The following SULT2B1 variants were observed in gnomAD, a reference collection of about 807,000 sequenced individuals.
SULT2B1 encodes the protein sulfotransferase family 2B member 1.
SULT2B1 carries 16 observed loss-of-function variants against 33.2 expected under a neutral mutation model. The ratio of observed to expected loss-of-function variants is 0.48; its 90% CI spans 0.33 to 0.73. The LOEUF is 0.73. Ranked by LOEUF, SULT2B1 falls within the 30% of genes least tolerant of loss-of-function variation. The probability of loss-of-function intolerance (pLI) is 0.02; values close to 1 mark genes in which losing one functional copy is unlikely to be tolerated. For synonymous variants in SULT2B1, 186 were observed against 200.5 expected, an observed-to-expected ratio of 0.93 and a Z score of 0.61; for missense variants, 500 against 506.0, an observed-to-expected ratio of 0.99 and a Z score of 0.11.
chr19:48,593,443 T>A (rs907046196), intron 5 of SULT2B1, among the ~76,000 whole-genome samples: 4 of 151,342 alleles, frequency 2.6e-5, no homozygotes, highest in Non-Finnish European at 4.4e-5. Flanking sequence ...TCCCAGCTGC[T>A]CAGGAGGCTA....
chr19:48,567,160 T>C (rs893049652), intron 1 of SULT2B1, among the ~76,000 whole-genome samples: 11 of 152,246 alleles, frequency 7.2e-5, no homozygotes, highest in African/African-American at 2.2e-4. Flanking sequence ...TCTTGGAACA[T>C]CATTGCCATG....
chr19:48,596,436 ACTGTGACCTCTGCCCCCGG>A (rs1225283084), intron 5 of SULT2B1: 5 of 129,270 alleles, frequency 3.9e-5, no homozygotes, highest in Non-Finnish European at 7.0e-5. Flanking sequence ...TCTGCCCCCC[ACTGTGACCTCTGCCCCCGG>A]CTGTGACCTC....
chr19:48,554,293 C>T (rs868201261), intron 1 of SULT2B1, among the ~76,000 whole-genome samples: 5 of 148,898 alleles, frequency 3.4e-5, no homozygotes, highest in South Asian at 2.2e-4. Context: ...CCCTCAGATA[C>T]GCCACGTACC....
intron 1 of SULT2B1, among the ~76,000 whole-genome samples, chr19:48,559,849 CA>C (rs140138179): frequency 0.02 from 2,976 of 151,852 alleles, 101 homozygotes; most frequent in African/African-American, 0.068. Flanking sequence ...GGCCAGGTGC[CA>C]CAGCTCACGC....
At chr19:48,591,486 T>A in intron 3 of SULT2B1, 123 bp from the exon 4 acceptor site, 1 of 1,136,224 alleles carries the variant, frequency 8.8e-7, no homozygotes, top group South Asian at 1.8e-5. Context: ...AAAAAAAGAG[T>A]CTGCCCTGAG....
At chr19:48,569,538 T>C (rs1973293492) in intron 1 of SULT2B1, among the ~76,000 whole-genome samples, 1 of 151,644 alleles carries the variant, frequency 6.6e-6, no homozygotes, top group Admixed American at 6.6e-5. Context: ...TTTTCTTATT[T>C]TTTAAAGAGA....
At chr19:48,569,397 T>C (rs1973290814) in intron 1 of SULT2B1, among the ~76,000 whole-genome samples, 2 of 112,298 alleles carry the variant, frequency 1.8e-5, no homozygotes, top group Admixed American at 9.0e-5. Flanking sequence ...TATATATATA[T>C]ATGATAAATT....
chr19:48,564,947 C>T (rs3909296), intron 1 of SULT2B1, among the ~76,000 whole-genome samples: 58,792 of 151,646 alleles, frequency 0.39, 12,366 homozygotes, highest in South Asian at 0.56. Context: ...CGTGCCACCA[C>T]GCCCGGCTAA....
At chr19:48,554,479 G>A (rs1973069244) in intron 1 of SULT2B1, among the ~76,000 whole-genome samples, 2 of 114,560 alleles carry the variant, frequency 1.7e-5, no homozygotes, top group African/African-American at 3.5e-5. Context: ...TCTTCCTCTC[G>A]GTTGCCACAG....
intron 1 of SULT2B1, among the ~76,000 whole-genome samples, chr19:48,561,456 A>G (rs60726153): frequency 1.2e-4 from 16 of 135,568 alleles, no homozygotes; most frequent in Non-Finnish European, 6.8e-5. Flanking sequence ...TAGATAGATA[A>G]AATAAATAAA....
At chr19:48,597,189 T>A (rs1175546664) in intron 6 of SULT2B1, among the ~76,000 whole-genome samples, 1 of 152,086 alleles carries the variant, frequency 6.6e-6, no homozygotes, top group African/African-American at 2.4e-5. Context: ...GAGAGAGATT[T>A]AGAGTCTTCA....
chr19:48,581,765 T>C (rs554655825), intron 2 of SULT2B1, among the ~76,000 whole-genome samples: 1 of 150,956 alleles, frequency 6.6e-6, no homozygotes, highest in Non-Finnish European at 1.5e-5. Context: ...CCGAGAGTTC[T>C]TTATATGATG....
chr19:48,577,352 CTTTTTTTT>C (rs1209521675), intron 2 of SULT2B1, among the ~76,000 whole-genome samples: 1,339 of 30,582 alleles, frequency 0.044, 22 homozygotes, highest in Non-Finnish European at 0.059. Context: ...ACTGAGCCGT[CTTTTTTTT>C]TTTTTTTTTT....
At chr19:48,570,630 T>C (rs982024429) in intron 1 of SULT2B1, among the ~76,000 whole-genome samples, 2 of 152,118 alleles carry the variant, frequency 1.3e-5, no homozygotes, top group African/African-American at 4.8e-5. Flanking sequence ...CAAGTGTAGA[T>C]GTTGGTTTGA....
chr19:48,592,683 G>A (rs372325963), intron 4 of SULT2B1, 39 bp from the exon 5 acceptor site: 58 of 1,537,012 alleles, frequency 3.8e-5, no homozygotes, highest in Non-Finnish European at 4.4e-5. Context: ...GGGGAACCCC[G>A]CCACTCAGCC....
intron 1 of SULT2B1, among the ~76,000 whole-genome samples, chr19:48,572,710 G>A (rs1340403581): frequency 2.6e-5 from 4 of 151,976 alleles, no homozygotes; most frequent in Admixed American, 6.6e-5. Flanking sequence ...AGCAGAGGAG[G>A]GGCAGCGGAG....
At chr19:48,581,886 T>TAC (rs1973494166) in intron 2 of SULT2B1, among the ~76,000 whole-genome samples, 1 of 107,504 alleles carries the variant, frequency 9.3e-6, no homozygotes, top group Non-Finnish European at 2.0e-5. Context: ...TTATTATTAT[T>TAC]ATTATATTAT....
chr19:48,567,604 G>A (rs888208318), intron 1 of SULT2B1, among the ~76,000 whole-genome samples: 2 of 152,078 alleles, frequency 1.3e-5, no homozygotes, highest in African/African-American at 4.8e-5. Flanking sequence ...GGCTTTGAAG[G>A]TAGGAAGGAC....
rs533382501 is a variant in SULT2B1 at position 48,577,827 on chromosome 19, C to A, written c.214+1744C>A. Among the ~76,000 whole-genome samples, 5 of 152,302 alleles carry A rather than the reference C, an allele frequency of 3.3e-5. No individual in the cohort carries two copies. In the East Asian group the frequency reaches 9.6e-4, roughly 29 times the overall value. On this transcript the variant is annotated intron_variant, in intron 2 of 6. Coordinates refer to ENST00000201586, the MANE Select transcript of SULT2B1 (RefSeq NM_177973.2). ...TCTCCAGACAGACTGAAATGTCTCC[C>A]TTTATGGAGCTCACATTGTACTGGG... is the stretch of plus-strand genomic sequence containing the variant.
Sources: gnomAD v4.1 joint callset for allele counts (sites outside exome capture counted in the v4.1 genomes callset) on GRCh38, gnomAD v4.1.1 for gene constraint, MANE v1.5 for transcripts, NCBI Gene and HGNC (gene_info 2026-07-23, HGNC 2026-07-21) for gene names.